Variants in PAN3 observed in about 807,000 individuals in gnomAD.
The protein encoded by PAN3 is poly(A) specific ribonuclease subunit PAN3.
Under a neutral mutation model 96.2 loss-of-function variants are expected in PAN3, and 19 were observed. The ratio of observed to expected loss-of-function variants is 0.20; its 90% CI spans 0.14 to 0.29. PAN3 has a LOEUF of 0.29. PAN3 is among the 10% of genes least tolerant of loss of function. PAN3 has a pLI of 1.00. For synonymous variants in PAN3, 433 were observed against 406.6 expected (o/e 1.06, Z -0.78); for missense variants, 882 against 1,108.1 (o/e 0.80, Z 2.90).
At chr13:28,234,041 C>CT (rs1218060184) in intron 6 of PAN3, among the ~76,000 whole-genome samples, 1 of 152,090 alleles carries the variant, frequency 6.6e-6, no homozygotes, top group Non-Finnish European at 1.5e-5. Flanking sequence ...CTATAAATGT[C>CT]TTTTTTTAGA....
intron 5 of PAN3, among the ~76,000 whole-genome samples, chr13:28,200,475 C>T (rs1048324865): frequency 3.9e-5 from 6 of 152,178 alleles, no homozygotes; most frequent in Non-Finnish European, 7.4e-5. Flanking sequence ...TCCAAGTTTC[C>T]GAGCTCTGAT....
At chr13:28,228,644 T>C (rs1232607857) in intron 6 of PAN3, among the ~76,000 whole-genome samples, 5 of 152,116 alleles carry the variant, frequency 3.3e-5, no homozygotes, top group Non-Finnish European at 7.4e-5. Flanking sequence ...TTGGTGGGGG[T>C]ACCTTTGAGA....
At chr13:28,235,676 C>A (rs34521869) in intron 6 of PAN3, among the ~76,000 whole-genome samples, 1 of 143,010 alleles carries the variant, frequency 7.0e-6, no homozygotes, top group East Asian at 2.0e-4. Flanking sequence ...TTGTCTTTCT[C>A]TAATATACAC....
chr13:28,283,245 C>T (rs1868520287), intron 17 of PAN3, among the ~76,000 whole-genome samples: 1 of 152,162 alleles, frequency 6.6e-6, no homozygotes, highest in Non-Finnish European at 1.5e-5. Flanking sequence ...GACAGGGTTT[C>T]ACCATGTTGT....
At chr13:28,290,511 A>G (rs9582035) in intron 18 of PAN3, among the ~76,000 whole-genome samples, 40,808 of 151,896 alleles carry the variant, frequency 0.27, 7,925 homozygotes, top group African/African-American at 0.54. Context: ...GAGAAACCCC[A>G]TCTCTACTAA....
chr13:28,199,691 A>G lies in PAN3; in HGVS notation c.852+2345A>G, dbSNP rs45598139. On this transcript the variant is annotated intron_variant, in intron 5 of 18. Coordinates refer to ENST00000380958, the MANE Select transcript of PAN3 (RefSeq NM_175854.8). ...TATATATTTTTGTATTGGAGTTTTT[A>G]TCTTTTTCTTGTGAGAGAAAAGTAA... Among the ~76,000 whole-genome samples the G allele has an allele frequency of 1.5e-3, 229 of 152,182 alleles. 1 individual carries two copies. Among genetic ancestry groups the G allele is most frequent in the Non-Finnish European group, 2.6e-3 (178 of 67,978 alleles).
intron 4 of PAN3, among the ~76,000 whole-genome samples, chr13:28,181,091 G>A (rs778400684): frequency 5.9e-5 from 9 of 152,186 alleles, no homozygotes; most frequent in Non-Finnish European, 1.0e-4. Context: ...CTTGCTTACA[G>A]GTGATAGAGG....
At position 28,281,400 on chromosome 13, in the gene PAN3, A is replaced by C. The variant is rs374451658; in HGVS notation, c.2384+21A>C. 1.9e-6 allele frequency: 3 copies of C among 1,583,044 alleles called. No individual in the cohort carries two copies. The African/African-American group carries it at 4.1e-5, about 21-fold the overall frequency. On this transcript the variant is annotated intron_variant, in intron 17 of 18. Coordinates refer to ENST00000380958, the MANE Select transcript of PAN3 (RefSeq NM_175854.8). ...CCGGAGTAAGGATTTACAGTATTTT[A>C]CAATATATTTTTAATCGAGAGCACT...
chr13:28,169,034 T>C lies in PAN3; in HGVS notation c.431-5238T>C, dbSNP rs575874598. ...CCGTCTCAAAAAAAAAAAAAGTGAA[T>C]TGCAAACTATTAGTCCATGGAAACA... On this transcript the variant is annotated intron_variant, in intron 1 of 18. Coordinates refer to ENST00000380958, the MANE Select transcript of PAN3 (RefSeq NM_175854.8). 1.1e-3 allele frequency among the ~76,000 whole-genome samples: 173 copies of C among 151,498 alleles called. 2 individuals carry two copies. The highest frequency in any genetic ancestry group is 4.1e-3 in the African/African-American group (170 of 41,306).
chr13:28,198,410 A>G lies in PAN3; in HGVS notation c.852+1064A>G, dbSNP rs566395040. 5.0e-3 allele frequency among the ~76,000 whole-genome samples: 769 copies of G among 152,338 alleles called. 5 individuals are homozygous for G. The highest frequency in any genetic ancestry group is 0.018 in the African/African-American group (746 of 41,568). On this transcript the variant is annotated intron_variant, in intron 5 of 18. Transcript: ENST00000380958. ...ATTTTTACTAGGAAACAAAAATTAT[A>G]TGTAAACAAACTTGTCAAGAGTTGC...
chr13:28,158,194 T>C (rs1363341068), intron 1 of PAN3, among the ~76,000 whole-genome samples: 1 of 152,158 alleles, frequency 6.6e-6, no homozygotes, highest in African/African-American at 2.4e-5. Flanking sequence ...TACAAAAAAT[T>C]AACTCATGGT....
chr13:28,161,666 GC>G (rs1489195564), intron 1 of PAN3, among the ~76,000 whole-genome samples: 14 of 152,174 alleles, frequency 9.2e-5, no homozygotes, highest in African/African-American at 3.1e-4. Flanking sequence ...GCCTTATGGA[GC>G]TTCGGAGTTA....
intron 6 of PAN3, among the ~76,000 whole-genome samples, chr13:28,240,421 C>T (rs1161763074): frequency 2.0e-5 from 3 of 152,048 alleles, no homozygotes; most frequent in South Asian, 2.1e-4. Context: ...TGTGTGATAA[C>T]GCATATAATT....
At chr13:28,194,274 G>A (rs1215620238) in intron 4 of PAN3, among the ~76,000 whole-genome samples, 2 of 151,180 alleles carry the variant, frequency 1.3e-5, no homozygotes, top group African/African-American at 2.4e-5. Flanking sequence ...CTGGAATTTA[G>A]GTGTCCATGT....
chr13:28,222,228 G>T (rs1270257089), intron 6 of PAN3, among the ~76,000 whole-genome samples: 1 of 152,070 alleles, frequency 6.6e-6, no homozygotes, highest in Non-Finnish European at 1.5e-5. Context: ...TATGGTATAG[G>T]TATAAGCTTA....
intron 6 of PAN3, among the ~76,000 whole-genome samples, chr13:28,255,369 T>C (rs1178631740): frequency 1.3e-5 from 2 of 152,220 alleles, no homozygotes; most frequent in Non-Finnish European, 2.9e-5. Flanking sequence ...CATTTATGCA[T>C]GTAGTTTGTA....
intron 18 of PAN3, among the ~76,000 whole-genome samples, chr13:28,291,860 A>G (rs1028572164): frequency 3.9e-5 from 6 of 152,188 alleles, no homozygotes; most frequent in Non-Finnish European, 7.3e-5. Flanking sequence ...ATAAAAACTT[A>G]TAAATTCATG....
intron 1 of PAN3, among the ~76,000 whole-genome samples, chr13:28,159,566 A>G (rs1006582904): frequency 6.6e-6 from 1 of 152,174 alleles, no homozygotes; most frequent in South Asian, 2.1e-4. Context: ...CTCCTGCCTC[A>G]GTCCTCTTAG....
At position 28,292,651 on chromosome 13, in the gene PAN3, C is replaced by G. The variant is rs1265112236; in HGVS notation, c.*129C>G. 1 of 854,830 alleles carries G rather than the reference C, an allele frequency of 1.2e-6. No homozygotes were observed. Among genetic ancestry groups the G allele is most frequent in the Non-Finnish European group, 1.7e-6 (1 of 596,018 alleles). 53.0% of individuals were successfully genotyped at this position (854,830 alleles called of 1,614,324 possible). On this transcript the variant is annotated 3_prime_UTR_variant, in exon 19 of 19. Transcript: ENST00000380958. The stretch of plus-strand genomic sequence containing the variant: ...CAGGAGATGAGCAAAGCTGCTTGCA[C>G]TTCAGTCAGGTACACTGTTACTTGA...
Sources: allele counts gnomAD v4.1 joint callset (sites outside exome capture counted in the v4.1 genomes callset), GRCh38; gene constraint gnomAD v4.1.1; transcripts MANE v1.5; gene names NCBI Gene and HGNC (gene_info 2026-07-23, HGNC 2026-07-21).